The following CDH12 variants were observed in gnomAD, a reference collection of about 807,000 sequenced individuals.
CDH12 encodes cadherin 12.
In CDH12, 41 loss-of-function variants were observed where a neutral mutation model predicts 74.1. The observed-to-expected ratio is 0.55, with a 90% CI of 0.43 to 0.72. CDH12 has a LOEUF of 0.72. CDH12 is among the 30% of genes least tolerant of loss of function. CDH12 has a pLI of 0.00. For missense variants in CDH12, 945 were observed against 977.2 expected (o/e 0.97, Z 0.44); for synonymous variants, 399 against 355.0 (o/e 1.12, Z -1.39).
At chr5:21,913,157 A>G (rs1561294224) in intron 6 of CDH12, among the ~76,000 whole-genome samples, 1 of 152,184 alleles carries the variant, frequency 6.6e-6, no homozygotes, top group Non-Finnish European at 1.5e-5. Context: ...TCTGGTTTCT[A>G]TGATTCATCT....
intron 1 of CDH12, among the ~76,000 whole-genome samples, chr5:22,705,116 C>CATATATATATAT (rs71609776): frequency 0.026 from 3,221 of 125,864 alleles, 92 homozygotes; most frequent in Admixed American, 0.05. Context: ...CCCACCCAGT[C>CATATATATATAT]ATATATATAT....
rs754743363 is a variant in CDH12, at chr5:21,817,086, A to G, written c.861T>C (p.Ala287=). The change falls in exon 9 of 15, where the codon GCT becomes GCC. Residue 287 remains alanine, a synonymous_variant. Transcript: ENST00000382254. ...GATCCACAGCTCTTATTCTTCCAAT[A>G]GCTGAACCAATAGGGGAAGACTCAG... ...KVPESSPIGS[A]IGRIRAVDPD... The G allele has an allele frequency of 6.2e-7, 1 of 1,612,610 alleles. No homozygotes were observed. Among genetic ancestry groups the G allele is most frequent in the South Asian group, 1.1e-5 (1 of 90,940 alleles).
intron 6 of CDH12, among the ~76,000 whole-genome samples, chr5:21,911,778 T>C (rs934052105): frequency 1.3e-5 from 2 of 152,146 alleles, no homozygotes; most frequent in African/African-American, 2.4e-5. Flanking sequence ...TAAAATGCTG[T>C]TTAATTCATC....
intron 1 of CDH12, among the ~76,000 whole-genome samples, chr5:22,787,315 G>C (rs909107346): frequency 6.6e-6 from 1 of 151,792 alleles, no homozygotes. Flanking sequence ...TAAACTAAAG[G>C]CACACTTGTA....
chr5:22,815,230 T>G (rs543938011), intron 1 of CDH12, among the ~76,000 whole-genome samples: 1 of 152,094 alleles, frequency 6.6e-6, no homozygotes, highest in East Asian at 1.9e-4. Context: ...ATGTAATGCA[T>G]ATGGTTGAAT....
intron 1 of CDH12, among the ~76,000 whole-genome samples, chr5:22,654,237 T>G (rs1739901928): frequency 6.6e-6 from 1 of 150,392 alleles, no homozygotes; most frequent in Admixed American, 6.6e-5. Context: ...TGTTTCTTTG[T>G]TTCTTTCTTT....
rs1745119633 is a variant in CDH12, at chr5:22,453,122, T to A, written c.-427-47771A>T. ...AAGATGTGAAAGGGGGAAACTTTCA[T>A]ACACTGTTGATGGGAATGTAAATTA... On this transcript the variant is annotated intron_variant, in intron 2 of 14. Coordinates refer to ENST00000382254, the MANE Select transcript of CDH12 (RefSeq NM_004061.5). Among the ~76,000 whole-genome samples the A allele has an allele frequency of 2.6e-5, 4 of 152,128 alleles. No homozygotes were observed. The South Asian group carries it at 8.3e-4, about 32-fold the overall frequency.
chr5:22,474,891 T>G (rs537966109), intron 2 of CDH12, among the ~76,000 whole-genome samples: 3 of 152,026 alleles, frequency 2.0e-5, no homozygotes, highest in Non-Finnish European at 4.4e-5. Flanking sequence ...TCATTAGTAA[T>G]AATTAATGAA....
At chr5:22,832,449 T>C (rs1425153515) in intron 1 of CDH12, among the ~76,000 whole-genome samples, 1 of 152,116 alleles carries the variant, frequency 6.6e-6, no homozygotes, top group African/African-American at 2.4e-5. Context: ...AGGAATACTT[T>C]GAATATAAGC....
intron 1 of CDH12, among the ~76,000 whole-genome samples, chr5:22,599,324 A>T (rs1736741898): frequency 6.9e-6 from 1 of 144,340 alleles, no homozygotes; most frequent in Non-Finnish European, 1.6e-5. Flanking sequence ...CACTGGTAGT[A>T]AAAAATACCA....
chr5:22,206,518 T>A (rs1247616180), intron 4 of CDH12, among the ~76,000 whole-genome samples: 2 of 151,740 alleles, frequency 1.3e-5, no homozygotes, highest in Non-Finnish European at 2.9e-5. Context: ...TCTACCAAAG[T>A]TTTGACCTAC....
At chr5:22,847,420 A>G (rs1737357289) in intron 1 of CDH12, among the ~76,000 whole-genome samples, 1 of 152,152 alleles carries the variant, frequency 6.6e-6, no homozygotes, top group Admixed American at 6.5e-5. Flanking sequence ...ATTTGGGTAT[A>G]TTGTTATCTG....
chr5:22,131,525 T>G (rs966480055), intron 4 of CDH12, among the ~76,000 whole-genome samples: 2 of 152,120 alleles, frequency 1.3e-5, no homozygotes, highest in African/African-American at 4.8e-5. Flanking sequence ...TGGCAAAATT[T>G]ATTTCCTGAG....
intron 3 of CDH12, among the ~76,000 whole-genome samples, chr5:22,308,134 C>A (rs1382164645): frequency 3.9e-5 from 6 of 151,938 alleles, no homozygotes; most frequent in Admixed American, 1.3e-4. Flanking sequence ...CCCACCTCGG[C>A]CTCCCAAAGT....
chr5:21,751,605 C>A lies in CDH12; in HGVS notation c.*132G>T. 3 of 226,842 alleles carry A rather than the reference C, an allele frequency of 1.3e-5. No homozygotes were observed. Among genetic ancestry groups the A allele is most frequent in the Admixed American group, 9.2e-5 (1 of 10,884 alleles). The allele number at this position is 226,842 out of a possible 1,614,324, so 14.1% of individuals were successfully genotyped here. A position where few individuals can be genotyped will look rare whatever the true frequency, so the allele number is the denominator to read the frequency against. Reference sequence around the variant, plus strand: ...ACCAGGTAATCAAAGGAATCTTGTCCCAGAGTGTGTGTGTGTGTGTGTGTG... The same window carrying A: ...ACCAGGTAATCAAAGGAATCTTGTCACAGAGTGTGTGTGTGTGTGTGTGTG... On this transcript the variant is annotated 3_prime_UTR_variant, in exon 15 of 15. Transcript: ENST00000382254.
At chr5:22,574,989 ATTAAAC>A (rs1416382101) in intron 1 of CDH12, among the ~76,000 whole-genome samples, 2 of 152,194 alleles carry the variant, frequency 1.3e-5, no homozygotes, top group African/African-American at 4.8e-5. Context: ...TTCAGGTAAA[ATTAAAC>A]TTAAATTTTG....
At chr5:22,369,426 A>G (rs540284148) in intron 3 of CDH12, among the ~76,000 whole-genome samples, 1 of 152,290 alleles carries the variant, frequency 6.6e-6, no homozygotes, top group African/African-American at 2.4e-5. Context: ...CCTAGAAAAC[A>G]GGCATAAAAG....
chr5:21,897,616 A>G (rs957274919), intron 6 of CDH12, among the ~76,000 whole-genome samples: 9 of 152,212 alleles, frequency 5.9e-5, no homozygotes, highest in Non-Finnish European at 1.2e-4. Flanking sequence ...AGAATCCTAG[A>G]AACATGAACA....
chr5:22,439,403 A>T (rs749142975), intron 2 of CDH12, among the ~76,000 whole-genome samples: 8 of 152,106 alleles, frequency 5.3e-5, no homozygotes, highest in Non-Finnish European at 8.8e-5. Flanking sequence ...CAGGGTAAGG[A>T]AACAATGACC....
Sources: allele counts gnomAD v4.1 joint callset (sites outside exome capture counted in the v4.1 genomes callset), GRCh38; gene constraint gnomAD v4.1.1; transcripts MANE v1.5; gene names NCBI Gene and HGNC (gene_info 2026-07-23, HGNC 2026-07-21).